SOX6: variants seen among roughly 807,000 people sequenced by gnomAD.
SOX6 encodes SRY-box transcription factor 6, also known as transcription factor SOX-6.
Under a neutral mutation model 97.8 loss-of-function variants are expected in SOX6, and 11 were observed. That is an observed-to-expected ratio of 0.11 (90% CI 0.07 to 0.19). SOX6 has a LOEUF of 0.19. SOX6 is among the 10% of genes least tolerant of loss of function. The probability of loss-of-function intolerance (pLI) is 1.00; values close to 1 mark genes in which losing one functional copy is unlikely to be tolerated. For synonymous variants in SOX6, 360 were observed against 371.4 expected (o/e 0.97, Z 0.35); for missense variants, 810 against 1,039.5 (o/e 0.78, Z 3.04).
At position 16,111,784 on chromosome 11, in the gene SOX6, T is replaced by C. The variant is rs1304406653; in HGVS notation, c.898+19A>G. 9.3e-6 allele frequency: 15 copies of C among 1,612,810 alleles called. No homozygotes were observed. The highest frequency in any genetic ancestry group is 1.3e-5 in the Non-Finnish European group (15 of 1,179,826). Reference sequence around the variant, plus strand: ...GATCTGAGCATTTGGAAAAGAATGTTAAATCCCTCTCTACTTACCTGGTTT... The same window carrying C: ...GATCTGAGCATTTGGAAAAGAATGTCAAATCCCTCTCTACTTACCTGGTTT... On this transcript the variant is annotated intron_variant, in intron 7 of 15. Transcript: ENST00000683767.
At chr11:16,228,677 C>T (rs1460170244) in intron 4 of SOX6, among the ~76,000 whole-genome samples, 1 of 152,142 alleles carries the variant, frequency 6.6e-6, no homozygotes, top group Non-Finnish European at 1.5e-5. Flanking sequence ...ACCACACACA[C>T]AGAACAAGGT....
intron 4 of SOX6, among the ~76,000 whole-genome samples, chr11:16,485,159 G>A (rs1298369491): frequency 6.6e-6 from 1 of 152,192 alleles, no homozygotes; most frequent in Non-Finnish European, 1.5e-5. Flanking sequence ...GTAAATCAGA[G>A]ATAGGATTGC....
chr11:16,516,726 C>A (rs563602824), intron 4 of SOX6, among the ~76,000 whole-genome samples: 1 of 149,048 alleles, frequency 6.7e-6, no homozygotes, highest in Admixed American at 6.7e-5. Flanking sequence ...CAGATGGATT[C>A]ACAGCCGAAT....
intron 1 of SOX6, among the ~76,000 whole-genome samples, chr11:16,398,693 T>C (rs1335229857): frequency 6.6e-6 from 1 of 151,364 alleles, no homozygotes; most frequent in Non-Finnish European, 1.5e-5. Flanking sequence ...TATGAAACTC[T>C]TTAATATCCT....
chr11:16,372,043 A>C (rs1225050060), intron 1 of SOX6, among the ~76,000 whole-genome samples: 1 of 152,126 alleles, frequency 6.6e-6, no homozygotes, highest in African/African-American at 2.4e-5. Context: ...TCAACATTTT[A>C]TACTGCCTTA....
chr11:16,249,583 C>A (rs2134197083), intron 3 of SOX6, among the ~76,000 whole-genome samples: 1 of 152,304 alleles, frequency 6.6e-6, no homozygotes, highest in South Asian at 2.1e-4. Flanking sequence ...GTTCCAAAGT[C>A]ACTTCCACAT....
intron 12 of SOX6, among the ~76,000 whole-genome samples, chr11:16,030,657 A>T (rs1369630681): frequency 2.0e-5 from 3 of 152,154 alleles, no homozygotes; most frequent in Non-Finnish European, 4.4e-5. Context: ...TATTATGCTG[A>T]TCTGTAAATC....
intron 9 of SOX6, among the ~76,000 whole-genome samples, chr11:16,084,991 C>T (rs902367549): frequency 6.6e-6 from 1 of 152,140 alleles, no homozygotes; most frequent in African/African-American, 2.4e-5. Flanking sequence ...AATTTCCACC[C>T]AAATTAGTCA....
At chr11:16,395,609 C>T (rs1858331361) in intron 1 of SOX6, among the ~76,000 whole-genome samples, 1 of 151,556 alleles carries the variant, frequency 6.6e-6, no homozygotes, top group African/African-American at 2.4e-5. Context: ...TTCTGTGGGG[C>T]CAGGGTCTTT....
chr11:16,096,945 T>G (rs1395154969), intron 8 of SOX6, among the ~76,000 whole-genome samples: 2 of 151,786 alleles, frequency 1.3e-5, no homozygotes, highest in South Asian at 4.1e-4. Flanking sequence ...GTGGTAGTAG[T>G]AGAAGGGTAT....
chr11:15,975,361 T>C (rs2119782538), intron 15 of SOX6, among the ~76,000 whole-genome samples: 1 of 152,332 alleles, frequency 6.6e-6, no homozygotes, highest in East Asian at 1.9e-4. Context: ...AAAATGTTTT[T>C]GCCTTAATCA....
At chr11:16,076,528 C>T (rs1289534628) in intron 9 of SOX6, among the ~76,000 whole-genome samples, 2 of 151,944 alleles carry the variant, frequency 1.3e-5, no homozygotes, top group Non-Finnish European at 2.9e-5. Flanking sequence ...TGTATTAGTC[C>T]GTTCTCCCAC....
intron 6 of SOX6, among the ~76,000 whole-genome samples, chr11:16,135,001 C>A (rs574518743): frequency 3.0e-4 from 45 of 152,282 alleles, no homozygotes; most frequent in Admixed American, 2.9e-3. Context: ...GAAGCCAATG[C>A]TCATTTACCA....
chr11:16,361,662 C>T (rs1857214501), intron 1 of SOX6, among the ~76,000 whole-genome samples: 1 of 152,116 alleles, frequency 6.6e-6, no homozygotes, highest in Non-Finnish European at 1.5e-5. Context: ...AACATGTAAT[C>T]CTGAACCAGT....
At chr11:16,550,198 G>C (rs989849341) in intron 4 of SOX6, among the ~76,000 whole-genome samples, 16 of 152,026 alleles carry the variant, frequency 1.1e-4, no homozygotes, top group Admixed American at 9.2e-4. Flanking sequence ...CCATCATTCT[G>C]AGCAAACTAT....
intron 6 of SOX6, among the ~76,000 whole-genome samples, chr11:16,178,043 C>A (rs1034708038): frequency 6.6e-5 from 10 of 151,932 alleles, no homozygotes; most frequent in African/African-American, 2.4e-4. Context: ...CTTTGAGATT[C>A]ACCTTCAGGT....
chr11:16,000,315 GAGA>G (rs774883209), intron 13 of SOX6, among the ~76,000 whole-genome samples: 8 of 152,196 alleles, frequency 5.3e-5, no homozygotes, highest in East Asian at 1.9e-4. Flanking sequence ...TTCATCTTCT[GAGA>G]AGAAGAAATG....
At chr11:16,468,264 C>T (rs1860078806) in intron 1 of SOX6, among the ~76,000 whole-genome samples, 1 of 152,014 alleles carries the variant, frequency 6.6e-6, no homozygotes, top group Admixed American at 6.6e-5. Context: ...ATAACAGCAT[C>T]TTAAAAAAAA....
chr11:16,216,467 T>A (rs925765044), intron 4 of SOX6, among the ~76,000 whole-genome samples: 2 of 152,160 alleles, frequency 1.3e-5, no homozygotes, highest in African/African-American at 4.8e-5. Flanking sequence ...CTTTTCTTAG[T>A]GTCAACCACA....
Sources: allele counts gnomAD v4.1 joint callset (sites outside exome capture counted in the v4.1 genomes callset), GRCh38; gene constraint gnomAD v4.1.1; transcripts MANE v1.5; gene names NCBI Gene and HGNC (gene_info 2026-07-23, HGNC 2026-07-21).